MTR: variants seen among roughly 807,000 people sequenced by gnomAD.
MTR encodes the protein 5-methyltetrahydrofolate-homocysteine methyltransferase, also known as methionine synthase.
In MTR, 84 loss-of-function variants were observed where a neutral mutation model predicts 154.8. The observed-to-expected ratio is 0.54, with a 90% CI of 0.45 to 0.65. The LOEUF (loss-of-function observed/expected upper bound fraction) is 0.65, where lower values mean the gene tolerates loss of function less well. Among genes scored for constraint, MTR ranks in the 30% least tolerant of loss-of-function variants. MTR has a pLI of 0.00. For missense variants in MTR, 1,275 were observed against 1,570.2 expected (o/e 0.81, Z 3.18); for synonymous variants, 554 against 553.9 (o/e 1.00, Z 0.00).
chr1:236,833,955 G>T (rs973525127), intron 13 of MTR, among the ~76,000 whole-genome samples: 1 of 152,156 alleles, frequency 6.6e-6, no homozygotes, highest in South Asian at 2.1e-4. Context: ...CTCCATTTTG[G>T]TTTGTAGAGA....
At chr1:236,819,401 G>A (rs1480564998) in intron 8 of MTR, among the ~76,000 whole-genome samples, 1 of 152,086 alleles carries the variant, frequency 6.6e-6, no homozygotes, top group Non-Finnish European at 1.5e-5. Context: ...CTTCATTTAA[G>A]GTTCATTCAT....
At chr1:236,894,658 C>A in intron 30 of MTR, 101 bp downstream of exon 30, 29 of 849,408 alleles carry the variant, frequency 3.4e-5, no homozygotes, top group Non-Finnish European at 4.6e-5. Context: ...GAACCAGTGT[C>A]TTTTTTTTTT....
At chr1:236,891,866 A>C (rs1221555261) in intron 29 of MTR, among the ~76,000 whole-genome samples, 2 of 152,076 alleles carry the variant, frequency 1.3e-5, no homozygotes, top group Non-Finnish European at 2.9e-5. Context: ...TACAGAGAAG[A>C]TGAAGGATGA....
intron 26 of MTR, among the ~76,000 whole-genome samples, 159 bp downstream of exon 26, chr1:236,885,378 G>A (rs1665959402): frequency 6.6e-6 from 1 of 152,148 alleles, no homozygotes; most frequent in Non-Finnish European, 1.5e-5. Flanking sequence ...GGTCTTCAGT[G>A]TCTTAAGTTC....
chr1:236,838,069 A>G (rs1350523560), intron 14 of MTR, among the ~76,000 whole-genome samples: 1 of 152,194 alleles, frequency 6.6e-6, no homozygotes, highest in Non-Finnish European at 1.5e-5. Context: ...GAGTCAGATC[A>G]GGGATGTCTG....
intron 29 of MTR, among the ~76,000 whole-genome samples, chr1:236,893,837 C>T (rs1666469273): frequency 6.6e-6 from 1 of 152,126 alleles, no homozygotes; most frequent in Non-Finnish European, 1.5e-5. Context: ...CTGTATGACC[C>T]TTGACCCCAC....
intron 24 of MTR, 57 bp downstream of exon 24, chr1:236,874,903 T>G: frequency 6.3e-7 from 1 of 1,585,944 alleles, no homozygotes; most frequent in Non-Finnish European, 8.6e-7. Flanking sequence ...TGCCAGTGTT[T>G]GAAACAGTGG....
At chr1:236,836,495 C>A (rs1662915647) in intron 14 of MTR, among the ~76,000 whole-genome samples, 1 of 152,158 alleles carries the variant, frequency 6.6e-6, no homozygotes, top group African/African-American at 2.4e-5. Context: ...CTTGGCTTCC[C>A]AAAGTGGTAG....
intron 8 of MTR, among the ~76,000 whole-genome samples, chr1:236,816,872 A>G (rs915440954): frequency 2.0e-5 from 3 of 152,190 alleles, no homozygotes; most frequent in African/African-American, 4.8e-5. Flanking sequence ...GCAATCTGTC[A>G]TGGAATAAGG....
chr1:236,876,137 G>C (rs988566401), intron 24 of MTR, among the ~76,000 whole-genome samples: 1 of 152,180 alleles, frequency 6.6e-6, no homozygotes, highest in African/African-American at 2.4e-5. Flanking sequence ...TAACATTTAG[G>C]TTGTGGTTAA....
chr1:236,839,011 C>T (rs1283097768), intron 15 of MTR, among the ~76,000 whole-genome samples: 1 of 152,098 alleles, frequency 6.6e-6, no homozygotes, highest in Non-Finnish European at 1.5e-5. Context: ...CGTATCGAAA[C>T]AGAAAATTTA....
At chr1:236,875,484 ATATGTGG>A (rs930552854) in intron 24 of MTR, among the ~76,000 whole-genome samples, 3 of 152,190 alleles carry the variant, frequency 2.0e-5, no homozygotes, top group Non-Finnish European at 2.9e-5. Flanking sequence ...GATCATAGTG[ATATGTGG>A]TAAGTGCTAC....
At chr1:236,829,483 G>A (rs1662486590) in intron 12 of MTR, among the ~76,000 whole-genome samples, 2 of 152,138 alleles carry the variant, frequency 1.3e-5, no homozygotes, top group African/African-American at 4.8e-5. Context: ...GTGAAGGAAG[G>A]CCCAGGTGAT....
At position 236,852,507 on chromosome 1, in the gene MTR, A is replaced by G. The variant is rs1277418910; in HGVS notation, c.1696-14A>G. ...AAAAAGGGGAATCTTTTCATATTTTAAAATTTTTGCCAGGAAACATTACCT... is the reference window on the plus strand; with the variant it reads ...AAAAAGGGGAATCTTTTCATATTTTGAAATTTTTGCCAGGAAACATTACCT... On this transcript the variant is annotated splice_polypyrimidine_tract_variant and intron_variant, in intron 16 of 32. Coordinates refer to ENST00000366577, the MANE Select transcript of MTR (RefSeq NM_000254.3). 1.1e-5 allele frequency: 18 copies of G among 1,597,276 alleles called. No individual in the cohort carries two copies. Among genetic ancestry groups the G allele is most frequent in the Non-Finnish European group, 1.5e-5 (18 of 1,164,868 alleles).
intron 25 of MTR, 82 bp from the exon 26 acceptor site, chr1:236,885,039 T>C (rs1665941646): frequency 5.8e-6 from 5 of 866,574 alleles, no homozygotes; most frequent in Non-Finnish European, 9.9e-6. Context: ...GAAGCCTTCC[T>C]GAAGGAGGTG....
At chr1:236,871,847 C>CT (rs1572301682) in intron 22 of MTR, among the ~76,000 whole-genome samples, 1 of 151,542 alleles carries the variant, frequency 6.6e-6, no homozygotes, top group East Asian at 1.9e-4. Flanking sequence ...TTTTTTTTAA[C>CT]TTTTTTTAAA....
At chr1:236,857,883 C>T (rs563646109) in intron 18 of MTR, among the ~76,000 whole-genome samples, 1 of 152,172 alleles carries the variant, frequency 6.6e-6, no homozygotes, top group Non-Finnish European at 1.5e-5. Context: ...AAGGAGGTGG[C>T]CAGGCCAAGG....
chr1:236,861,351 A>G, intron 20 of MTR, 74 bp downstream of exon 20: 1 of 1,601,072 alleles, frequency 6.2e-7, no homozygotes. Flanking sequence ...GATTTGGGAT[A>G]TATTTCTCAG....
chr1:236,875,651 A>G (rs1258327028), intron 24 of MTR, among the ~76,000 whole-genome samples: 4 of 152,210 alleles, frequency 2.6e-5, no homozygotes, highest in Non-Finnish European at 5.9e-5. Context: ...GGTATGCCAG[A>G]AATACAATAA....
Sources: gnomAD v4.1 joint callset for allele counts (sites outside exome capture counted in the v4.1 genomes callset) on GRCh38, gnomAD v4.1.1 for gene constraint, MANE v1.5 for transcripts, NCBI Gene and HGNC (gene_info 2026-07-23, HGNC 2026-07-21) for gene names.